GRIN2B: variants seen among roughly 807,000 people sequenced by gnomAD.
GRIN2B encodes glutamate ionotropic receptor NMDA type subunit 2B.
GRIN2B carries 5 observed loss-of-function variants against 114.5 expected under a neutral mutation model. The observed-to-expected ratio is 0.04, with a 90% confidence interval of 0.02 to 0.09. The LOEUF (loss-of-function observed/expected upper bound fraction) is 0.09. Among genes scored for constraint, GRIN2B ranks in the 10% least tolerant of loss-of-function variants. The pLI is 1.00. For synonymous variants in GRIN2B, 787 were observed against 745.1 expected, an observed-to-expected ratio of 1.06 and a Z score of -0.92; for missense variants, 1,108 against 1,943.5, an observed-to-expected ratio of 0.57 and a Z score of 8.08.
rs191994553 is a variant in GRIN2B at position 13,576,321 on chromosome 12, T to C, written c.2011-4357A>G. ...AAACTTACCCCAAGCTGTAAGACAT[T>C]ATATGGCACTTGCTTAGCCTGAGTG... On this transcript the variant is annotated intron_variant, in intron 10 of 13. Coordinates refer to ENST00000609686, the MANE Select transcript of GRIN2B (RefSeq NM_000834.5). Among the ~76,000 whole-genome samples, 822 of 152,154 alleles carry C rather than the reference T, an allele frequency of 5.4e-3. 4 individuals carry two copies. The highest frequency in any genetic ancestry group is 9.2e-3 in the Non-Finnish European group (628 of 68,002).
At chr12:13,686,674 C>T (rs1198032389) in intron 4 of GRIN2B, among the ~76,000 whole-genome samples, 1 of 152,116 alleles carries the variant, frequency 6.6e-6, no homozygotes, top group Non-Finnish European at 1.5e-5. Flanking sequence ...CGCCTGATGA[C>T]CCTATTTCCT....
At chr12:13,701,806 C>T (rs1201046209) in intron 4 of GRIN2B, among the ~76,000 whole-genome samples, 1 of 152,188 alleles carries the variant, frequency 6.6e-6, no homozygotes, top group Non-Finnish European at 1.5e-5. Flanking sequence ...ACAAGAACTC[C>T]ACCAATCCTC....
chr12:13,631,725 C>T (rs750707493), intron 5 of GRIN2B, among the ~76,000 whole-genome samples: 2 of 152,206 alleles, frequency 1.3e-5, no homozygotes, highest in Non-Finnish European at 2.9e-5. Flanking sequence ...GCCTGGGCTG[C>T]TTGCACAGTG....
intron 10 of GRIN2B, among the ~76,000 whole-genome samples, chr12:13,605,438 A>G (rs1949227723): frequency 6.6e-6 from 1 of 151,924 alleles, no homozygotes; most frequent in Non-Finnish European, 1.5e-5. Flanking sequence ...TACCCAGGAT[A>G]TCAGATGCAG....
chr12:13,894,255 C>T (rs1035994065), intron 2 of GRIN2B, among the ~76,000 whole-genome samples: 5 of 152,052 alleles, frequency 3.3e-5, no homozygotes, highest in African/African-American at 1.2e-4. Context: ...ATGTAAAATA[C>T]AGGCAGAAAA....
In GRIN2B at chr12:13,563,317, G is replaced by A. The variant is rs2136403434; in HGVS notation, c.3921C>T (p.Phe1307=). The A allele has an allele frequency of 6.2e-7, 1 of 1,614,212 alleles. No individual in the cohort carries two copies. Among genetic ancestry groups the A allele is most frequent in the Non-Finnish European group, 8.5e-7 (1 of 1,180,034 alleles). ...KLRRQHSYDT[F]VDLQKEEAAL... ...CGGCTTCTTCCTTCTGCAGGTCCACGAAGGTGTCGTAGGAGTGCTGCCGGC... is the reference window on the plus strand; with the variant it reads ...CGGCTTCTTCCTTCTGCAGGTCCACAAAGGTGTCGTAGGAGTGCTGCCGGC... Residue 1307 remains phenylalanine (F), a synonymous_variant, in exon 14 of 14, where the codon TTC becomes TTT. Transcript: ENST00000609686.
chr12:13,967,341 T>C (rs1867805641), intron 2 of GRIN2B, among the ~76,000 whole-genome samples: 1 of 152,242 alleles, frequency 6.6e-6, no homozygotes, highest in African/African-American at 2.4e-5. Context: ...AAGTCAACCA[T>C]AAACATTTAC....
chr12:13,730,842 G>A (rs1447877318), intron 4 of GRIN2B, among the ~76,000 whole-genome samples: 1 of 152,126 alleles, frequency 6.6e-6, no homozygotes, highest in African/African-American at 2.4e-5. Flanking sequence ...AAAAGGTAAG[G>A]TTGGCCCACA....
intron 5 of GRIN2B, among the ~76,000 whole-genome samples, chr12:13,629,106 A>G (rs1397778831): frequency 1.3e-5 from 2 of 152,218 alleles, no homozygotes; most frequent in African/African-American, 4.8e-5. Flanking sequence ...TCAAATTCAT[A>G]GAACAGTTTC....
chr12:13,615,455 T>A lies in GRIN2B; in HGVS notation c.1500+38A>T. ...TTATATTTAGAAGAAGGAAAATAAA[T>A]GAAAATGGAAATGGAAACAGCCCTT... On this transcript the variant is annotated intron_variant, in intron 7 of 13. Coordinates refer to ENST00000609686, the MANE Select transcript of GRIN2B (RefSeq NM_000834.5). This position sits in a 1 kb window ranked among gnomAD's most constrained non-coding sequence, Gnocchi z 5.8. 1 of 1,570,548 alleles carries A rather than the reference T, an allele frequency of 6.4e-7. No homozygotes were observed. The highest frequency in any genetic ancestry group is 2.2e-5 in the East Asian group (1 of 44,674).
At chr12:13,676,812 A>G (rs918295907) in intron 4 of GRIN2B, among the ~76,000 whole-genome samples, 3 of 152,180 alleles carry the variant, frequency 2.0e-5, no homozygotes, top group African/African-American at 7.2e-5. Context: ...GACAGGATGC[A>G]TCTGGAAATC....
intron 4 of GRIN2B, among the ~76,000 whole-genome samples, chr12:13,747,656 C>T (rs1187933928): frequency 6.6e-6 from 1 of 152,234 alleles, no homozygotes; most frequent in Non-Finnish European, 1.5e-5. Flanking sequence ...TGAAAAGCCA[C>T]TGTGCCAGCT....
intron 5 of GRIN2B, among the ~76,000 whole-genome samples, chr12:13,663,447 C>A (rs1949944044): frequency 6.6e-6 from 1 of 152,148 alleles, no homozygotes; most frequent in South Asian, 2.1e-4. Flanking sequence ...GTTTCATAAA[C>A]TGTGATTATT....
chr12:13,622,612 T>G (rs1190438817), intron 5 of GRIN2B, among the ~76,000 whole-genome samples: 2 of 152,226 alleles, frequency 1.3e-5, no homozygotes, highest in Non-Finnish European at 2.9e-5. Context: ...GTAATTTATT[T>G]TTTTTTAAAT....
intron 3 of GRIN2B, among the ~76,000 whole-genome samples, chr12:13,864,069 T>G (rs1252682239): frequency 2.0e-5 from 3 of 152,216 alleles, no homozygotes; most frequent in Non-Finnish European, 4.4e-5. Context: ...ATTTTCCATT[T>G]TGCTTATTTT....
At chr12:13,807,423 A>G (rs1266996576) in intron 3 of GRIN2B, among the ~76,000 whole-genome samples, 1 of 152,100 alleles carries the variant, frequency 6.6e-6, no homozygotes, top group Non-Finnish European at 1.5e-5. Context: ...TTCACTTCAC[A>G]TAATGCCCTT....
intron 4 of GRIN2B, among the ~76,000 whole-genome samples, chr12:13,677,539 C>T (rs1167806103): frequency 6.6e-6 from 1 of 152,120 alleles, no homozygotes; most frequent in Non-Finnish European, 1.5e-5. Flanking sequence ...GTAGCGATTC[C>T]TAGAATCTTA....
chr12:13,897,114 T>C (rs1866366911), intron 2 of GRIN2B, among the ~76,000 whole-genome samples: 1 of 151,992 alleles, frequency 6.6e-6, no homozygotes, highest in Non-Finnish European at 1.5e-5. Context: ...GTTCTGCCAC[T>C]CCCCCTCCTA....
At chr12:13,795,476 G>C (rs1018933001) in intron 3 of GRIN2B, among the ~76,000 whole-genome samples, 13 of 152,074 alleles carry the variant, frequency 8.5e-5, no homozygotes, top group African/African-American at 2.9e-4. Flanking sequence ...TTTCTCACCT[G>C]TAAGATGGGC....
Sources: allele counts gnomAD v4.1 joint callset (sites outside exome capture counted in the v4.1 genomes callset), GRCh38; gene constraint gnomAD v4.1.1; non-coding constraint Gnocchi (gnomAD v3.1); transcripts MANE v1.5; gene names NCBI Gene and HGNC (gene_info 2026-07-23, HGNC 2026-07-21).